WNK2: variants seen among roughly 807,000 people sequenced by gnomAD.
The protein encoded by WNK2 is serine/threonine-protein kinase WNK2.
WNK2 carries 67 observed loss-of-function variants against 192.1 expected under a neutral mutation model. That is an observed-to-expected ratio of 0.35 (90% confidence interval 0.29 to 0.43). WNK2 has a LOEUF of 0.43. WNK2 is among the 20% of genes least tolerant of loss of function. The pLI, the probability that WNK2 is intolerant of heterozygous loss-of-function variation, is 1.00. For missense variants in WNK2, 2,698 were observed against 3,089.7 expected, an observed-to-expected ratio of 0.87 and a Z score of 3.01; for synonymous variants, 1,439 against 1,393.9, an observed-to-expected ratio of 1.03 and a Z score of -0.72.
At chr9:93,280,482 G>C (rs1046765817) in intron 19 of WNK2, among the ~76,000 whole-genome samples, 1 of 152,286 alleles carries the variant, frequency 6.6e-6, no homozygotes. Context: ...GATACCATGT[G>C]ATCCACCCAT....
chr9:93,272,687 G>A (rs546003539), intron 19 of WNK2, among the ~76,000 whole-genome samples: 28 of 134,438 alleles, frequency 2.1e-4, no homozygotes, highest in Non-Finnish European at 3.5e-4. Flanking sequence ...GCAGTAAGCC[G>A]AGATCGCGCC....
At chr9:93,300,223 ATTAC>A in intron 26 of WNK2, 74 bp downstream of exon 26, 8 of 1,071,478 alleles carry the variant, frequency 7.5e-6, no homozygotes, top group Non-Finnish European at 1.1e-5. Context: ...CCCTGTCTTC[ATTAC>A]CTTTCATACA....
At chr9:93,282,463 GA>G (rs573286231) in intron 19 of WNK2, among the ~76,000 whole-genome samples, 3,386 of 126,552 alleles carry the variant, frequency 0.027, 121 homozygotes, top group African/African-American at 0.091. Flanking sequence ...TCTCAAAAGT[GA>G]AAAAAAAAAA....
chr9:93,281,831 G>A (rs1045076935), intron 19 of WNK2, among the ~76,000 whole-genome samples: 5 of 152,172 alleles, frequency 3.3e-5, no homozygotes, highest in Non-Finnish European at 7.3e-5. Context: ...ATATGCCAGT[G>A]GACAAGGAAT....
At chr9:93,233,226 G>A (rs1249492135) in intron 4 of WNK2, among the ~76,000 whole-genome samples, 2 of 150,216 alleles carry the variant, frequency 1.3e-5, no homozygotes, top group Non-Finnish European at 1.5e-5. Context: ...AATTGCTAGT[G>A]CAGCAAATTT....
chr9:93,185,104 G>A lies in WNK2; in HGVS notation c.175G>A (p.Ala59Thr), dbSNP rs1391176591. The change falls in exon 2 of 30, where the codon GCA becomes ACA. Residue 59 changes from alanine (A) to threonine (T), a missense_variant. Transcript: ENST00000427277. ...SDQEEPPGLE[A>T]AEAPGPQPPQ... ...CCAGGAGGAGCCGCCGGGCTTGGAG[G>A]CAGCCGAGGCGCCGGGCCCGCAGCC... 1 of 1,312,978 alleles carries A rather than the reference G, an allele frequency of 7.6e-7. No individual in the cohort carries two copies. The highest frequency in any genetic ancestry group is 9.7e-7 in the Non-Finnish European group (1 of 1,026,060). The allele number at this position is 1,312,978 out of a possible 1,614,324, so 81.3% of individuals were successfully genotyped here. A position where few individuals can be genotyped will look rare whatever the true frequency, so the allele number is the denominator to read the frequency against.
At chr9:93,203,180 A>G (rs1832787224) in intron 2 of WNK2, among the ~76,000 whole-genome samples, 1 of 152,096 alleles carries the variant, frequency 6.6e-6, no homozygotes, top group African/African-American at 2.4e-5. Flanking sequence ...CCAGTAGGGG[A>G]ACCCCAAGTA....
Position 93,308,328 on chromosome 9 carries a change from G to C in WNK2, c.6260G>C (p.Arg2087Thr). 6.4e-7 allele frequency: 1 copy of C among 1,553,084 alleles called. No individual in the cohort carries two copies. Among genetic ancestry groups the C allele is most frequent in the Non-Finnish European group, 8.7e-7 (1 of 1,148,412 alleles). ...RLCLGKEHSS[R>T]SSTSSLAPGP... ...TCCTGGCCTGTGTGTGACTCCCCAG[G>C]GTCCTCCACCAGCAGCCTGGCCCCA... is the stretch of plus-strand genomic sequence containing the variant. Residue 2087 changes from arginine (R) to threonine (T), a missense_variant and splice_region_variant, in exon 28 of 30, where the codon AGG becomes ACG. Coordinates refer to ENST00000427277, the MANE Select transcript of WNK2 (RefSeq NM_006648.4).
intron 7 of WNK2, among the ~76,000 whole-genome samples, chr9:93,241,816 C>T (rs762968769): frequency 2.4e-4 from 37 of 152,130 alleles, no homozygotes; most frequent in Non-Finnish European, 4.6e-4. Context: ...GTGTAGGTTA[C>T]GCCGTGAGGT....
intron 8 of WNK2, among the ~76,000 whole-genome samples, chr9:93,252,518 T>C (rs1358741634): frequency 6.6e-6 from 1 of 152,200 alleles, no homozygotes; most frequent in East Asian, 1.9e-4. Flanking sequence ...AGACATCAGT[T>C]TTTTCTTACC....
At chr9:93,256,154 C>T in intron 9 of WNK2, 145 bp from the exon 10 acceptor site, 1 of 1,037,062 alleles carries the variant, frequency 9.6e-7, no homozygotes, top group Non-Finnish European at 1.3e-6. Flanking sequence ...AGGGCTCCCT[C>T]ACTGCTTCTG....
At chr9:93,200,533 G>C (rs1470414564) in intron 2 of WNK2, among the ~76,000 whole-genome samples, 1 of 152,246 alleles carries the variant, frequency 6.6e-6, no homozygotes, top group East Asian at 1.9e-4. Flanking sequence ...GGCTGCCATT[G>C]CCCAGTTCCT....
intron 17 of WNK2, 27 bp downstream of exon 17, chr9:93,267,943 G>T (rs779849244): frequency 1.2e-6 from 2 of 1,610,790 alleles, no homozygotes; most frequent in Non-Finnish European, 1.7e-6. Flanking sequence ...CGGGGTGGGA[G>T]GTGGTGAGAG....
At chr9:93,279,092 CCT>C (rs909395249) in intron 19 of WNK2, among the ~76,000 whole-genome samples, 7 of 152,328 alleles carry the variant, frequency 4.6e-5, no homozygotes, top group African/African-American at 1.7e-4. Context: ...TGTTCTTCCA[CCT>C]CTCTTCCTCA....
chr9:93,210,922 C>G (rs987687049), intron 2 of WNK2, among the ~76,000 whole-genome samples: 4 of 152,176 alleles, frequency 2.6e-5, no homozygotes, highest in African/African-American at 9.7e-5. Context: ...GAGAACACGT[C>G]CCAGAGGATG....
In WNK2 at chr9:93,185,163, C is replaced by G; in HGVS notation, c.234C>G (p.Leu78=). 1 of 1,253,120 alleles carries G rather than the reference C, an allele frequency of 8.0e-7. No homozygotes were observed. The highest frequency in any genetic ancestry group is 3.8e-5 in the East Asian group (1 of 26,654). 77.6% of individuals were successfully genotyped at this position (1,253,120 alleles called of 1,614,324 possible). A position where few individuals can be genotyped will look rare whatever the true frequency, so the allele number is the denominator to read the frequency against. ...CCCTGCAGCGCCGGGTGCTTCTGCT[C>G]TGCAAGACGCGCCGCCTCATCGCGG... The part of the protein sequence containing the change: ...PQPLQRRVLL[L]CKTRRLIAER... The change falls in exon 2 of 30, where the codon CTC becomes CTG. Residue 78 remains leucine (L), a synonymous_variant. Coordinates refer to ENST00000427277, the MANE Select transcript of WNK2 (RefSeq NM_006648.4).
At chr9:93,287,385 G>A (rs147295335) in intron 19 of WNK2, among the ~76,000 whole-genome samples, 224 of 152,304 alleles carry the variant, frequency 1.5e-3, no homozygotes, top group Middle Eastern at 6.8e-3. Context: ...AGTGTTAGTC[G>A]TGGTCCCACC....
chr9:93,319,638 C>G (rs576479243), intron 29 of WNK2, among the ~76,000 whole-genome samples: 10 of 152,252 alleles, frequency 6.6e-5, no homozygotes, highest in Non-Finnish European at 1.3e-4. Context: ...CCCCTGGGGC[C>G]ACCCTCTTTG....
At position 93,228,327 on chromosome 9, in the gene WNK2, C is replaced by T. The variant is rs59633719; in HGVS notation, c.682-1369C>T. Among the ~76,000 whole-genome samples the T allele has an allele frequency of 4.0e-3, 602 of 152,308 alleles. 8 individuals are homozygous for T. The highest frequency in any genetic ancestry group is 0.014 in the African/African-American group (590 of 41,558). On this transcript the variant is annotated intron_variant, in intron 2 of 29. Transcript: ENST00000427277. ...TCCTGCCGCCTGCTTCTCCTCTCTG[C>T]TTTGGAGTCTGGCTTGATGTTCTTT...
Sources: gnomAD v4.1 joint callset for allele counts (sites outside exome capture counted in the v4.1 genomes callset) on GRCh38, gnomAD v4.1.1 for gene constraint, MANE v1.5 for transcripts, NCBI Gene and HGNC (gene_info 2026-07-23, HGNC 2026-07-21) for gene names.